The following DHX35 variants were observed in gnomAD, a reference collection of about 807,000 sequenced individuals.
DHX35 encodes probable ATP-dependent RNA helicase DHX35.
In DHX35, 84 loss-of-function variants were observed where a neutral mutation model predicts 99.6. That is an observed-to-expected ratio of 0.84 (90% CI 0.71 to 1.01). The LOEUF is 1.01. DHX35 is among the 50% of genes least tolerant of loss of function. The pLI is 0.00. For synonymous variants in DHX35, 331 were observed against 316.2 expected, an observed-to-expected ratio of 1.05 and a Z score of -0.50; for missense variants, 852 against 888.5, an observed-to-expected ratio of 0.96 and a Z score of 0.52.
intron 3 of DHX35, among the ~76,000 whole-genome samples, chr20:38,973,824 C>T (rs546429350): frequency 6.6e-6 from 1 of 152,306 alleles, no homozygotes; most frequent in Admixed American, 6.5e-5. Context: ...TTGACAGAGA[C>T]CCTACGATCC....
At chr20:38,995,478 C>T (rs936878394) in intron 8 of DHX35, among the ~76,000 whole-genome samples, 16 of 151,662 alleles carry the variant, frequency 1.1e-4, no homozygotes, top group Non-Finnish European at 1.8e-4. Flanking sequence ...GAGCTGAGAT[C>T]GCTCCATTGC....
At chr20:38,981,534 C>G (rs1302829997) in intron 3 of DHX35, among the ~76,000 whole-genome samples, 1 of 152,110 alleles carries the variant, frequency 6.6e-6, no homozygotes, top group African/African-American at 2.4e-5. Context: ...CTTTCTAAAG[C>G]TTTCATTTTT....
Position 39,021,953 on chromosome 20 carries a change from C to G in DHX35, c.1593+18C>G. On this transcript the variant is annotated intron_variant, in intron 16 of 21. Coordinates refer to ENST00000252011, the MANE Select transcript of DHX35 (RefSeq NM_021931.4). ...CTCACGCAGTAAGTCAGCTCTGTCC[C>G]CAGGCTGTCTGTACCAGTCTCTTTT... 1 of 1,613,018 alleles carries G rather than the reference C, an allele frequency of 6.2e-7. No individual in the cohort carries two copies. Among genetic ancestry groups the G allele is most frequent in the Non-Finnish European group, 8.5e-7 (1 of 1,179,000 alleles).
chr20:39,006,041 A>G, intron 11 of DHX35, 105 bp from the exon 12 acceptor site: 6 of 1,328,198 alleles, frequency 4.5e-6, no homozygotes, highest in Non-Finnish European at 6.3e-6. Flanking sequence ...TGCCTCTCAC[A>G]GATTCTGCAA....
chr20:38,963,922 G>A (rs1312134840), intron 1 of DHX35, among the ~76,000 whole-genome samples: 1 of 152,032 alleles, frequency 6.6e-6, no homozygotes, highest in Non-Finnish European at 1.5e-5. Flanking sequence ...TGCCCATCAT[G>A]TCTACCACTT....
intron 15 of DHX35, 93 bp downstream of exon 15, chr20:39,018,992 A>G: frequency 8.8e-7 from 1 of 1,133,410 alleles, no homozygotes; most frequent in Non-Finnish European, 1.3e-6. Flanking sequence ...AGAGGGTACA[A>G]TATGGTAAAG....
At chr20:38,978,962 G>A (rs1272406293) in intron 3 of DHX35, among the ~76,000 whole-genome samples, 2 of 152,132 alleles carry the variant, frequency 1.3e-5, no homozygotes, top group Non-Finnish European at 2.9e-5. Flanking sequence ...CTTTCCCTAA[G>A]ATGTGTTCTT....
intron 3 of DHX35, 54 bp downstream of exon 3, chr20:38,972,705 TG>T: frequency 7.8e-7 from 1 of 1,287,654 alleles, no homozygotes; most frequent in Non-Finnish European, 1.1e-6. Flanking sequence ...GGAAGAATTT[TG>T]TAACTTGAGA....
At chr20:39,012,552 CAG>C (rs1183074683) in intron 13 of DHX35, among the ~76,000 whole-genome samples, 1 of 150,104 alleles carries the variant, frequency 6.7e-6, no homozygotes, top group Non-Finnish European at 1.5e-5. Flanking sequence ...TTTTTTGAGA[CAG>C]AGTCTCTCTC....
At chr20:39,028,365 G>A in intron 18 of DHX35, 53 bp from the exon 19 acceptor site, 1 of 1,565,746 alleles carries the variant, frequency 6.4e-7, no homozygotes, top group Non-Finnish European at 8.8e-7. Context: ...AGAGCACACG[G>A]AGCCTAGGGC....
At chr20:38,991,398 C>A in intron 5 of DHX35, 56 bp from the exon 6 acceptor site, 1 of 1,503,516 alleles carries the variant, frequency 6.7e-7, no homozygotes. Flanking sequence ...TAAAAAATAC[C>A]ATTAATATGT....
intron 3 of DHX35, among the ~76,000 whole-genome samples, chr20:38,983,116 G>A (rs941403846): frequency 6.6e-6 from 1 of 152,064 alleles, no homozygotes; most frequent in African/African-American, 2.4e-5. Context: ...TGGTAGAGAC[G>A]GGGTTTCACC....
chr20:38,971,683 AC>A (rs1416356135), intron 2 of DHX35, among the ~76,000 whole-genome samples: 1 of 152,226 alleles, frequency 6.6e-6, no homozygotes, highest in Non-Finnish European at 1.5e-5. Context: ...ACAAGTAGAT[AC>A]GTGTTTGCCC....
intron 2 of DHX35, among the ~76,000 whole-genome samples, chr20:38,969,452 G>A (rs769250130): frequency 6.6e-6 from 1 of 152,174 alleles, no homozygotes; most frequent in Non-Finnish European, 1.5e-5. Flanking sequence ...GAATTAGAAT[G>A]ACTTTTGTTT....
chr20:39,028,380 A>T, intron 18 of DHX35, 38 bp from the exon 19 acceptor site: 4 of 1,607,682 alleles, frequency 2.5e-6, no homozygotes, highest in Non-Finnish European at 3.4e-6. Context: ...TAGGGCAGGC[A>T]AGGGTTTCAC....
intron 2 of DHX35, among the ~76,000 whole-genome samples, chr20:38,971,994 G>GTTTTTTTTTT (rs1568714388): frequency 1.2e-4 from 14 of 112,042 alleles, no homozygotes; most frequent in South Asian, 2.8e-4. Flanking sequence ...TGTTTTTTTT[G>GTTTTTTTTTT]TTTTGTTTTG....
Position 39,017,256 on chromosome 20 carries a change from G to T in DHX35, c.1403-1548G>T, listed in dbSNP as rs117487235. On this transcript the variant is annotated intron_variant, in intron 14 of 21. Coordinates refer to ENST00000252011, the MANE Select transcript of DHX35 (RefSeq NM_021931.4). ...CATTATGTTGATTTTACTTCTCTGT[G>T]AATAGCCAATTACTGATTTAAAAGA... 1.4e-3 allele frequency among the ~76,000 whole-genome samples: 207 copies of T among 152,230 alleles called. 1 individual carries two copies. Among genetic ancestry groups the T allele is most frequent in the African/African-American group, 3.7e-3 (154 of 41,544 alleles).
At chr20:39,034,774 CTTTTTTT>C (rs59858652) in intron 21 of DHX35, among the ~76,000 whole-genome samples, 28 of 135,114 alleles carry the variant, frequency 2.1e-4, no homozygotes, top group Admixed American at 3.7e-4. Flanking sequence ...TTTCTTTTTT[CTTTTTTT>C]TTTTTTTGTA....
At chr20:38,998,005 G>A (rs563502766) in intron 8 of DHX35, among the ~76,000 whole-genome samples, 1 of 152,334 alleles carries the variant, frequency 6.6e-6, no homozygotes, top group South Asian at 2.1e-4. Context: ...GACTGGGGTG[G>A]CCCAGCCTGC....
Sources: gnomAD v4.1 joint callset for allele counts (sites outside exome capture counted in the v4.1 genomes callset) on GRCh38, gnomAD v4.1.1 for gene constraint, MANE v1.5 for transcripts, NCBI Gene and HGNC (gene_info 2026-07-23, HGNC 2026-07-21) for gene names.